The following ANTXR2 variants were observed in gnomAD, a reference collection of about 807,000 sequenced individuals.
ANTXR2 encodes ANTXR cell adhesion molecule 2, also known as anthrax toxin receptor 2.
Under a neutral mutation model 73.7 loss-of-function variants are expected in ANTXR2, and 44 were observed. The ratio of observed to expected loss-of-function variants is 0.60; its 90% CI spans 0.47 to 0.77. ANTXR2 has a LOEUF of 0.77. ANTXR2 is among the 30% of genes least tolerant of loss of function. The pLI is 0.00. For synonymous variants in ANTXR2, 217 were observed against 205.9 expected (o/e 1.05, Z -0.46); for missense variants, 604 against 592.5 (o/e 1.02, Z -0.20).
intron 12 of ANTXR2, among the ~76,000 whole-genome samples, chr4:79,996,480 C>T (rs1177062245): frequency 5.3e-5 from 8 of 151,854 alleles, no homozygotes; most frequent in African/African-American, 1.9e-4. Flanking sequence ...AGCTAATATG[C>T]CCAATGTCAC....
At chr4:79,930,903 G>A (rs1728029575) in intron 16 of ANTXR2, among the ~76,000 whole-genome samples, 2 of 152,164 alleles carry the variant, frequency 1.3e-5, no homozygotes, top group African/African-American at 4.8e-5. Flanking sequence ...GCTCTAAAGT[G>A]TATTATAGAT....
intron 16 of ANTXR2, among the ~76,000 whole-genome samples, chr4:79,976,858 G>A (rs1729657090): frequency 2.0e-5 from 3 of 152,132 alleles, no homozygotes; most frequent in Admixed American, 6.5e-5. Flanking sequence ...TCAATTTTAG[G>A]GCTCACCTGC....
At position 80,020,887 on chromosome 4, in the gene ANTXR2, C is replaced by T. The variant is rs189833448; in HGVS notation, c.867-1911G>A. ...AAAAAGATGGTTTAGCTAGGCTGGG[C>T]GCAGTGGCTCACGCCTGTAATCCCA... On this transcript the variant is annotated intron_variant, in intron 10 of 16. Coordinates refer to ENST00000403729, the MANE Select transcript of ANTXR2 (RefSeq NM_058172.6). Among the ~76,000 whole-genome samples, 47 of 152,154 alleles carry T rather than the reference C, an allele frequency of 3.1e-4. 1 individual carries two copies. Among genetic ancestry groups the T allele is most frequent in the African/African-American group, 1.0e-3 (43 of 41,530 alleles).
At chr4:80,010,640 C>G (rs1034711084) in intron 11 of ANTXR2, among the ~76,000 whole-genome samples, 1 of 152,226 alleles carries the variant, frequency 6.6e-6, no homozygotes, top group South Asian at 2.1e-4. Context: ...TTTGTTTCTT[C>G]TATGCATGTG....
intron 6 of ANTXR2, 21 bp from the exon 7 acceptor site, chr4:80,054,373 C>G: frequency 6.5e-7 from 1 of 1,543,132 alleles, no homozygotes; most frequent in African/African-American, 1.4e-5. Context: ...AAGAGGAAGA[C>G]TTAATTAAGG....
At chr4:80,003,936 T>G (rs1445488298) in intron 12 of ANTXR2, among the ~76,000 whole-genome samples, 1 of 152,046 alleles carries the variant, frequency 6.6e-6, no homozygotes, top group African/African-American at 2.4e-5. Flanking sequence ...AAAACTTAAG[T>G]TTATGTAAAA....
At chr4:79,933,960 G>C (rs892319974) in intron 16 of ANTXR2, among the ~76,000 whole-genome samples, 15 of 151,820 alleles carry the variant, frequency 9.9e-5, no homozygotes, top group Admixed American at 2.0e-4. Flanking sequence ...AGATGGTCTC[G>C]ATCTCCTGAC....
chr4:79,904,381 T>C lies in ANTXR2; in HGVS notation c.*3048A>G, dbSNP rs1453948591. The C allele has an allele frequency of 1.3e-5, 2 of 152,270 alleles. No homozygotes were observed. The highest frequency in any genetic ancestry group is 4.1e-4 in the South Asian group (2 of 4,830). The allele number at this position is 152,270 out of a possible 1,614,324, so 9.4% of individuals were successfully genotyped here. A position where few individuals can be genotyped will look rare whatever the true frequency, so the allele number is the denominator to read the frequency against. On this transcript the variant is annotated 3_prime_UTR_variant, in exon 17 of 17. Coordinates refer to ENST00000403729, the MANE Select transcript of ANTXR2 (RefSeq NM_058172.6). ...ATAGTAATTAACCATAGATGACAGA[T>C]GCTGCTCCCTAGTCAATGGAGGGTC...
chr4:79,962,481 A>G (rs1032316916), intron 16 of ANTXR2, among the ~76,000 whole-genome samples: 1 of 152,192 alleles, frequency 6.6e-6, no homozygotes, highest in Non-Finnish European at 1.5e-5. Flanking sequence ...ATAATGAAAG[A>G]TAATATAAAG....
intron 12 of ANTXR2, among the ~76,000 whole-genome samples, chr4:80,005,552 T>C (rs561064514): frequency 8.5e-5 from 13 of 152,254 alleles, no homozygotes; most frequent in African/African-American, 3.1e-4. Context: ...TGTATTATAA[T>C]ACCCTCTGAA....
In ANTXR2 at chr4:79,978,015, G is replaced by A; in HGVS notation, c.1339C>T (p.Pro447Ser). The A allele has an allele frequency of 6.3e-7, 1 of 1,596,212 alleles. No individual in the cohort carries two copies. Among genetic ancestry groups the A allele is most frequent in the African/African-American group, 1.4e-5 (1 of 73,492 alleles). ...HQPPQTKWYT[P>S]IKGRLDALWA... Reference sequence around the variant, plus strand: ...AAAATCTGGACACATACCTTAATTGGGGTGTACCATTTTGTCTGAGGAGGC... The same window carrying A: ...AAAATCTGGACACATACCTTAATTGAGGTGTACCATTTTGTCTGAGGAGGC... Residue 447 changes from proline (P) to serine (S), a missense_variant, in exon 15 of 17, where the codon CCA becomes TCA. Coordinates refer to ENST00000403729, the MANE Select transcript of ANTXR2 (RefSeq NM_058172.6).
chr4:79,910,326 T>C (rs1275737044), intron 16 of ANTXR2, among the ~76,000 whole-genome samples: 2 of 151,640 alleles, frequency 1.3e-5, no homozygotes, highest in East Asian at 3.9e-4. Context: ...CTGGCCAACA[T>C]GGTGAAACTC....
At chr4:79,980,921 TAAAAAAAAAA>T (rs11397721) in intron 14 of ANTXR2, among the ~76,000 whole-genome samples, 1 of 137,566 alleles carries the variant, frequency 7.3e-6, no homozygotes, top group Non-Finnish European at 1.6e-5. Context: ...TTAAGGGCTT[TAAAAAAAAAA>T]AAAAAAAAAA....
chr4:80,040,750 A>G (rs79807064), intron 7 of ANTXR2, among the ~76,000 whole-genome samples: 2,103 of 79,730 alleles, frequency 0.026, 58 homozygotes, highest in African/African-American at 0.081. Context: ...GCATAGACAC[A>G]CACACACACA....
rs1393814436 is a variant in ANTXR2 at position 80,002,802 on chromosome 4, A to G, written c.1041+5719T>C. On this transcript the variant is annotated intron_variant, in intron 12 of 16. Transcript: ENST00000403729. ...AGACATTTATGCAGCCAAAAAACAC[A>G]TGAAAAAATGCTCACCATCACTGGC... Among the ~76,000 whole-genome samples, 4 of 151,796 alleles carry G rather than the reference A, an allele frequency of 2.6e-5. No individual in the cohort carries two copies. The South Asian group carries it at 6.3e-4, about 24-fold the overall frequency.
intron 7 of ANTXR2, among the ~76,000 whole-genome samples, chr4:80,052,653 A>G (rs1162293202): frequency 2.0e-5 from 3 of 151,560 alleles, no homozygotes; most frequent in African/African-American, 7.3e-5. Context: ...TCCAAACAAC[A>G]CTCAAGAGAT....
intron 16 of ANTXR2, among the ~76,000 whole-genome samples, chr4:79,944,741 T>C (rs1728452859): frequency 6.6e-6 from 1 of 152,164 alleles, no homozygotes; most frequent in African/African-American, 2.4e-5. Context: ...CCCATTAATC[T>C]TTTAAATACA....
At chr4:79,911,211 T>C (rs1320097666) in intron 16 of ANTXR2, among the ~76,000 whole-genome samples, 1 of 152,186 alleles carries the variant, frequency 6.6e-6, no homozygotes. Context: ...TACAAGTCTG[T>C]CATATCCTCA....
At chr4:79,966,194 A>T (rs937622706) in intron 16 of ANTXR2, among the ~76,000 whole-genome samples, 18 of 123,698 alleles carry the variant, frequency 1.5e-4, no homozygotes, top group African/African-American at 3.3e-4. Context: ...TCTTGAAGCA[A>T]ATATAAATGT....
Sources: gnomAD v4.1 joint callset for allele counts (sites outside exome capture counted in the v4.1 genomes callset) on GRCh38, gnomAD v4.1.1 for gene constraint, MANE v1.5 for transcripts, NCBI Gene and HGNC (gene_info 2026-07-23, HGNC 2026-07-21) for gene names.